PCDHA1: variants seen among roughly 807,000 people sequenced by gnomAD.
PCDHA1 encodes protocadherin alpha 1, also known as protocadherin alpha-1.
A neutral mutation model predicts 61.3 loss-of-function variants in PCDHA1; 42 were observed. The ratio of observed to expected loss-of-function variants is 0.69; its 90% confidence interval spans 0.54 to 0.89. The LOEUF (loss-of-function observed/expected upper bound fraction) is 0.89. Among genes scored for constraint, PCDHA1 ranks in the 40% least tolerant of loss-of-function variants. PCDHA1 has a pLI of 0.00. For synonymous variants in PCDHA1, 610 were observed against 553.8 expected, an observed-to-expected ratio of 1.10 and a Z score of -1.43; for missense variants, 1,256 against 1,235.3, an observed-to-expected ratio of 1.02 and a Z score of -0.25.
chr5:140,951,983 A>G (rs1043433314), intron 1 of PCDHA1, among the ~76,000 whole-genome samples: 1 of 152,214 alleles, frequency 6.6e-6, no homozygotes, highest in African/African-American at 2.4e-5. Context: ...CAAAAGGGAA[A>G]AACCAGCCAA....
chr5:140,893,107 G>A (rs1324641421), intron 1 of PCDHA1, among the ~76,000 whole-genome samples: 4 of 152,226 alleles, frequency 2.6e-5, no homozygotes, highest in East Asian at 1.9e-4. Flanking sequence ...ATAATATTCC[G>A]TTGTGCATAT....
In PCDHA1 at chr5:140,788,577, G is replaced by A; in HGVS notation, c.2287G>A (p.Gly763Ser). 6.2e-7 allele frequency: 1 copy of A among 1,614,150 alleles called. No homozygotes were observed. The highest frequency in any genetic ancestry group is 8.5e-7 in the Non-Finnish European group (1 of 1,180,012). The change falls in exon 1 of 4, where the codon GGC becomes AGC. Residue 763 changes from glycine (G) to serine (S), a missense_variant. Transcript: ENST00000504120. ...QRRQRVCSSE[G>S]PPKTDLMAFS... ...GCGGCAGAGGGTGTGCTCTAGCGAG[G>A]GCCCACCCAAGACCGACCTCATGGC... is the stretch of plus-strand genomic sequence containing the variant.
chr5:140,872,850 G>A (rs1439631581), intron 1 of PCDHA1, among the ~76,000 whole-genome samples: 2 of 152,084 alleles, frequency 1.3e-5, no homozygotes, highest in East Asian at 3.8e-4. Context: ...ATATATTAAT[G>A]TGAGTACCTA....
intron 1 of PCDHA1, among the ~76,000 whole-genome samples, chr5:140,920,082 C>T (rs567545861): frequency 2.0e-5 from 3 of 152,248 alleles, no homozygotes; most frequent in East Asian, 1.9e-4. Context: ...ACAGATTCTC[C>T]GTAGAGCCTC....
intron 1 of PCDHA1, chr5:140,835,971 C>A: frequency 1.2e-6 from 2 of 1,613,332 alleles, no homozygotes; most frequent in African/African-American, 1.3e-5. Context: ...GGAGCTGGAG[C>A]TGTTGCAGTT....
rs7701755 is a variant in PCDHA1 at position 140,802,516 on chromosome 5, G to T, written c.2394+13832G>T. 0.54 allele frequency: 868,677 copies of T among 1,613,918 alleles called. 235,507 individuals are homozygous for T. The highest frequency in any genetic ancestry group is 0.7 in the African/African-American group (52,592 of 74,998). On this transcript the variant is annotated intron_variant, in intron 1 of 3. Coordinates refer to ENST00000504120, the MANE Select transcript of PCDHA1 (RefSeq NM_018900.4). ...TCGCCTTCACTGTGGGCCACGGCCAGCGTGTCCGTGGAGGTGGCCGACGTG... is the reference window on the plus strand; with the variant it reads ...TCGCCTTCACTGTGGGCCACGGCCATCGTGTCCGTGGAGGTGGCCGACGTG...
chr5:140,973,582 T>C lies in PCDHA1; in HGVS notation c.2395-5367T>C, dbSNP rs76146918. Among the ~76,000 whole-genome samples the C allele has an allele frequency of 4.6e-3, 708 of 152,364 alleles. 4 individuals are homozygous for C. The highest frequency in any genetic ancestry group is 0.016 in the African/African-American group (685 of 41,596). On this transcript the variant is annotated intron_variant, in intron 1 of 3. Coordinates refer to ENST00000504120, the MANE Select transcript of PCDHA1 (RefSeq NM_018900.4). ...TTTCCTCAATTTTTCTACAGACTGC[T>C]GAGCCAGATGGAATTATGGCTGAGC...
At chr5:140,828,998 G>A (rs2150161774) in intron 1 of PCDHA1, 7 of 1,613,996 alleles carry the variant, frequency 4.3e-6, no homozygotes, top group South Asian at 3.3e-5. Context: ...GGGAGAAATA[G>A]TGATTCGGGG....
chr5:140,796,933 C>T, intron 1 of PCDHA1: 2 of 1,613,864 alleles, frequency 1.2e-6, no homozygotes, highest in Admixed American at 1.7e-5. Context: ...CCACGGCGAA[C>T]CAGCGTTGAC....
intron 3 of PCDHA1, among the ~76,000 whole-genome samples, chr5:141,005,306 C>T (rs1563689503): frequency 6.6e-6 from 1 of 152,158 alleles, no homozygotes; most frequent in Non-Finnish European, 1.5e-5. Context: ...CTTTGTGAAT[C>T]TTACAGTGGT....
intron 1 of PCDHA1, chr5:140,966,707 A>G (rs539562297): frequency 7.2e-7 from 1 of 1,379,868 alleles, no homozygotes; most frequent in Admixed American, 3.5e-5. Context: ...GGCGTGGGGC[A>G]CGGCTGGGGA....
chr5:140,801,254 G>A (rs782680860), intron 1 of PCDHA1: 2 of 1,613,704 alleles, frequency 1.2e-6, no homozygotes, highest in East Asian at 2.2e-5. Context: ...TTTCTCTTCT[G>A]CTCCTCGCAG....
intron 1 of PCDHA1, chr5:140,849,763 T>C (rs1554143274): frequency 1.3e-6 from 2 of 1,598,470 alleles, no homozygotes; most frequent in Non-Finnish European, 1.7e-6. Context: ...GCCTACGAGC[T>C]GGTGGTTACC....
chr5:140,885,310 G>T (rs1554182115), intron 1 of PCDHA1, among the ~76,000 whole-genome samples: 1 of 152,038 alleles, frequency 6.6e-6, no homozygotes. Context: ...TAGGCTTTTT[G>T]TTATTATTTC....
chr5:140,831,514 C>A (rs2150195382), intron 1 of PCDHA1, among the ~76,000 whole-genome samples: 1,950 of 132,850 alleles, frequency 0.015, 29 homozygotes, highest in African/African-American at 0.055. Flanking sequence ...CCACCATGCC[C>A]CCCACCTTTT....
At position 140,828,217 on chromosome 5, in the gene PCDHA1, C is replaced by T. The variant is rs2150152488; in HGVS notation, c.2394+39533C>T. Reference sequence around the variant, plus strand: ...CCGTACCCGAGGAGGCCAAACACGGCACCTTCGTGGGCCGGATCGCGCAGG... The same window carrying T: ...CCGTACCCGAGGAGGCCAAACACGGTACCTTCGTGGGCCGGATCGCGCAGG... On this transcript the variant is annotated intron_variant, in intron 1 of 3. Transcript: ENST00000504120. 2.5e-6 allele frequency: 4 copies of T among 1,613,910 alleles called. No individual in the cohort carries two copies. In the African/African-American group the frequency reaches 5.3e-5, roughly 22 times the overall value.
At position 140,786,391 on chromosome 5, in the gene PCDHA1, C is replaced by A. The variant is rs782450366; in HGVS notation, c.101C>A (p.Ser34Ter). The change falls in exon 1 of 4, where the codon TCG becomes TAG. Residue 34 changes from serine (S) to a stop codon, truncating the protein, a stop_gained. Transcript: ENST00000504120. LOFTEE classifies it high-confidence loss of function. ...GTGGGGAGCGGCCAGCTCCACTACT[C>A]GATCCCGGAGGAAGCCAAACACGGC... is the stretch of plus-strand genomic sequence containing the variant. ...WEVGSGQLHY[S>*]IPEEAKHGTF... 8 of 1,613,616 alleles carry A rather than the reference C, an allele frequency of 5.0e-6. No homozygotes were observed. The highest frequency in any genetic ancestry group is 5.9e-6 in the Non-Finnish European group (7 of 1,180,040).
intron 3 of PCDHA1, among the ~76,000 whole-genome samples, chr5:140,997,797 C>A (rs2097786104): frequency 6.6e-6 from 1 of 151,944 alleles, no homozygotes; most frequent in Non-Finnish European, 1.5e-5. Context: ...TATAATTTAT[C>A]CAATTTGCTG....
chr5:140,999,628 G>C (rs1169273057), intron 3 of PCDHA1, among the ~76,000 whole-genome samples: 2 of 152,182 alleles, frequency 1.3e-5, no homozygotes, highest in Admixed American at 1.3e-4. Context: ...AGGAAACAAG[G>C]TAGAGAAAAC....
Sources: allele counts gnomAD v4.1 joint callset (sites outside exome capture counted in the v4.1 genomes callset), GRCh38; gene constraint gnomAD v4.1.1; transcripts MANE v1.5; gene names NCBI Gene and HGNC (gene_info 2026-07-23, HGNC 2026-07-21).